ZDHHC15: variants seen among roughly 807,000 people sequenced by gnomAD.
The protein encoded by ZDHHC15 is palmitoyltransferase ZDHHC15.
ZDHHC15 carries 19 observed loss-of-function variants against 31.7 expected under a neutral mutation model. The ratio of observed to expected loss-of-function variants is 0.60; its 90% CI spans 0.42 to 0.88. ZDHHC15 has a LOEUF of 0.88. ZDHHC15 is among the 40% of genes least tolerant of loss of function. The probability of loss-of-function intolerance (pLI) is 0.00; values close to 1 mark genes in which losing one functional copy is unlikely to be tolerated. For missense variants in ZDHHC15, 209 were observed against 251.2 expected (o/e 0.83, Z 1.14); for synonymous variants, 103 against 90.0 (o/e 1.14, Z -0.82).
At chrX:75,431,376 A>G in intron 5 of ZDHHC15, 75 bp downstream of exon 5, 1 of 981,957 alleles carries the variant, frequency 1.0e-6, no homozygotes, top group Non-Finnish European at 1.4e-6. Flanking sequence ...ATTACATGTT[A>G]GGATCAGTCA....
At chrX:75,380,973 C>T (rs1417805838) in intron 10 of ZDHHC15, among the ~76,000 whole-genome samples, 1 of 111,333 alleles carries the variant, frequency 9.0e-6, no homozygotes, top group African/African-American at 3.3e-5. Context: ...AGTATAGGTA[C>T]ACTTCTTTCT....
intron 2 of ZDHHC15, among the ~76,000 whole-genome samples, chrX:75,495,373 C>T (rs182850238): frequency 0.021 from 2,357 of 111,350 alleles, 38 homozygotes; most frequent in South Asian, 0.13. Flanking sequence ...GTGAGTGTGG[C>T]GATTCCTCAG....
At chrX:75,466,103 AAAAC>A (rs1435936040) in intron 3 of ZDHHC15, among the ~76,000 whole-genome samples, 1 of 111,920 alleles carries the variant, frequency 8.9e-6, no homozygotes, top group African/African-American at 3.2e-5. Flanking sequence ...TTCTAAGAAA[AAAAC>A]AAACAACCCC....
In ZDHHC15 at chrX:75,471,354, C is replaced by T. The variant is rs554384332; in HGVS notation, c.258+7537G>A. On this transcript the variant is annotated intron_variant, in intron 3 of 11. Transcript: ENST00000373367. ...TCACACTGGTCCATTACATTGATGA[C>T]ATTATGCTGATTGGATCCAGTGTGT... 1.3e-4 allele frequency among the ~76,000 whole-genome samples: 15 copies of T among 112,348 alleles called. No homozygotes were observed. The South Asian group carries it at 3.0e-3, about 22-fold the overall frequency.
chrX:75,422,274 C>T (rs1366977090), intron 8 of ZDHHC15, among the ~76,000 whole-genome samples: 2 of 111,332 alleles, frequency 1.8e-5, no homozygotes, highest in South Asian at 3.7e-4. Flanking sequence ...TAAGCAGCCA[C>T]GGGGGTAGTA....
At chrX:75,498,907 A>G (rs2085049433) in intron 2 of ZDHHC15, among the ~76,000 whole-genome samples, 1 of 112,027 alleles carries the variant, frequency 8.9e-6, no homozygotes, top group South Asian at 3.7e-4. Context: ...ATAGTCAACA[A>G]AACAGCATGG....
Position 75,488,428 on chromosome X carries a change from T to C in ZDHHC15, c.164-9443A>G, listed in dbSNP as rs193061583. 4.5e-5 allele frequency among the ~76,000 whole-genome samples: 5 copies of C among 112,028 alleles called. No homozygotes were observed. The East Asian group carries it at 1.4e-3, about 31-fold the overall frequency. ...TTGTATCTGGCAAAACTAAGCTTCA[T>C]AAATGAAGGAGAAATAAAGGCTTTT... On this transcript the variant is annotated intron_variant, in intron 2 of 11. Transcript: ENST00000373367.
chrX:75,459,726 C>A (rs1377337701), intron 3 of ZDHHC15, among the ~76,000 whole-genome samples: 1 of 112,066 alleles, frequency 8.9e-6, no homozygotes, highest in Non-Finnish European at 1.9e-5. Context: ...GCGAACTCAG[C>A]CATTTCAGCC....
At chrX:75,500,783 G>A (rs989891519) in intron 2 of ZDHHC15, among the ~76,000 whole-genome samples, 1 of 109,022 alleles carries the variant, frequency 9.2e-6, no homozygotes, top group Non-Finnish European at 1.9e-5. Context: ...AGAGCACTGA[G>A]ATAACTAATT....
chrX:75,484,425 T>C (rs1251187246), intron 2 of ZDHHC15, among the ~76,000 whole-genome samples: 2 of 112,031 alleles, frequency 1.8e-5, no homozygotes, highest in Non-Finnish European at 3.8e-5. Context: ...TTAGAAGATA[T>C]ACAGATGGCA....
chrX:75,396,748 A>C (rs190611755), intron 10 of ZDHHC15, among the ~76,000 whole-genome samples: 2 of 110,686 alleles, frequency 1.8e-5, no homozygotes, highest in Admixed American at 9.6e-5. Context: ...CTAAGTGTCC[A>C]TCAGCAGATG....
chrX:75,375,185 C>T (rs979568842), intron 11 of ZDHHC15, among the ~76,000 whole-genome samples: 1 of 111,842 alleles, frequency 8.9e-6, no homozygotes, highest in Non-Finnish European at 1.9e-5. Context: ...TTTAAACTCA[C>T]ATCAGCATTG....
chrX:75,483,071 A>G (rs757546482), intron 2 of ZDHHC15, among the ~76,000 whole-genome samples: 1 of 84,869 alleles, frequency 1.2e-5, no homozygotes, highest in South Asian at 5.1e-4. Context: ...GTGTATATAT[A>G]TGTGTATGTG....
chrX:75,414,078 T>C (rs2083517243), intron 10 of ZDHHC15, among the ~76,000 whole-genome samples: 1 of 112,066 alleles, frequency 8.9e-6, no homozygotes, highest in Non-Finnish European at 1.9e-5. Flanking sequence ...GCAAAAGTGG[T>C]AATATAACAG....
chrX:75,461,570 T>C (rs2084316020), intron 3 of ZDHHC15, among the ~76,000 whole-genome samples: 1 of 111,715 alleles, frequency 9.0e-6, no homozygotes, highest in Non-Finnish European at 1.9e-5. Context: ...TAGATCAGAC[T>C]AACAGCAGAT....
At chrX:75,492,403 A>T (rs1428550684) in intron 2 of ZDHHC15, among the ~76,000 whole-genome samples, 2 of 111,061 alleles carry the variant, frequency 1.8e-5, no homozygotes, top group African/African-American at 6.5e-5. Context: ...ATATCCAGGA[A>T]TTGAACTGAG....
intron 3 of ZDHHC15, among the ~76,000 whole-genome samples, chrX:75,476,253 T>G (rs1219058892): frequency 9.6e-6 from 1 of 103,778 alleles, no homozygotes; most frequent in Non-Finnish European, 1.9e-5. Context: ...TGTTTCTTAT[T>G]TTTTTTTTTA....
chrX:75,445,682 C>T (rs1269511301), intron 4 of ZDHHC15, among the ~76,000 whole-genome samples: 1 of 111,790 alleles, frequency 8.9e-6, no homozygotes, highest in African/African-American at 3.3e-5. Flanking sequence ...TAGTTGAACT[C>T]CCAGTCTTGT....
At chrX:75,411,463 C>T (rs770505208) in intron 10 of ZDHHC15, among the ~76,000 whole-genome samples, 2 of 112,687 alleles carry the variant, frequency 1.8e-5, no homozygotes, top group East Asian at 2.8e-4. Context: ...CCGCCCGCCT[C>T]GGCCTCTCAA....
Sources: allele counts gnomAD v4.1 joint callset (sites outside exome capture counted in the v4.1 genomes callset), GRCh38; gene constraint gnomAD v4.1.1; transcripts MANE v1.5; gene names NCBI Gene and HGNC (gene_info 2026-07-23, HGNC 2026-07-21).